ZBTB46: variants seen among roughly 807,000 people sequenced by gnomAD.
ZBTB46 encodes zinc finger and BTB domain-containing protein 46.
Under a neutral mutation model 44.1 loss-of-function variants are expected in ZBTB46, and 8 were observed. The observed-to-expected ratio is 0.18, with a 90% CI of 0.11 to 0.33. ZBTB46 has a LOEUF of 0.33. ZBTB46 is among the 10% of genes least tolerant of loss of function. The pLI is 1.00. For synonymous variants in ZBTB46, 409 were observed against 382.3 expected, an observed-to-expected ratio of 1.07 and a Z score of -0.81; for missense variants, 651 against 847.7, an observed-to-expected ratio of 0.77 and a Z score of 2.88.
chr20:63,826,908 G>A (rs144697236), intron 1 of ZBTB46, among the ~76,000 whole-genome samples: 93 of 152,276 alleles, frequency 6.1e-4, no homozygotes, highest in Middle Eastern at 3.4e-3. Flanking sequence ...CCTGCCCTCC[G>A]GCCAGCAATC....
chr20:63,822,370 G>A (rs34641614), intron 1 of ZBTB46, among the ~76,000 whole-genome samples: 14,341 of 152,256 alleles, frequency 0.094, 847 homozygotes, highest in Non-Finnish European at 0.14. Flanking sequence ...GGCCCCCAAT[G>A]AGAAAAGCCT....
intron 2 of ZBTB46, among the ~76,000 whole-genome samples, chr20:63,782,342 G>T (rs989389892): frequency 1.3e-5 from 2 of 152,134 alleles, no homozygotes; most frequent in African/African-American, 4.8e-5. Flanking sequence ...GAGGCAGGAG[G>T]GTGACAGAAG....
At chr20:63,751,383 A>G (rs2092160306) in intron 4 of ZBTB46, among the ~76,000 whole-genome samples, 1 of 152,158 alleles carries the variant, frequency 6.6e-6, no homozygotes, top group Admixed American at 6.5e-5. Context: ...GCCCAGCACT[A>G]AGCCCCGCTC....
intron 1 of ZBTB46, among the ~76,000 whole-genome samples, chr20:63,817,607 T>A (rs1211419602): frequency 1.3e-5 from 2 of 149,948 alleles, no homozygotes; most frequent in Non-Finnish European, 3.0e-5. Context: ...TCCCAGCTAC[T>A]TGGAAGGCTG....
intron 1 of ZBTB46, among the ~76,000 whole-genome samples, chr20:63,830,488 G>GCCGGCGC (rs2092843391): frequency 6.6e-6 from 1 of 150,646 alleles, no homozygotes; most frequent in Non-Finnish European, 1.5e-5. Flanking sequence ...TGGAGACCAG[G>GCCGGCGC]CCGGCGCCCG....
chr20:63,752,564 C>G lies in ZBTB46; in HGVS notation c.1398+122G>C. 1.7e-6 allele frequency: 2 copies of G among 1,211,152 alleles called. No homozygotes were observed. Among genetic ancestry groups the G allele is most frequent in the Non-Finnish European group, 2.2e-6 (2 of 927,998 alleles). 75.0% of individuals were successfully genotyped at this position (1,211,152 alleles called of 1,614,324 possible). On this transcript the variant is annotated intron_variant, in intron 4 of 4. Transcript: ENST00000245663. The surrounding 1 kb of genome is among the most constrained non-coding windows in gnomAD (Gnocchi z 5.6). The stretch of plus-strand genomic sequence containing the variant: ...GCGGATCTCCCTGCCCTGCTGTCGT[C>G]CCCCCTGTGCAGAGTGGACCCGGTG...
intron 3 of ZBTB46, among the ~76,000 whole-genome samples, chr20:63,762,680 A>AC (rs3068806): frequency 0.068 from 3,274 of 48,038 alleles, 52 homozygotes; most frequent in Middle Eastern, 0.13. Context: ...AAACAAACAA[A>AC]AAAAAAACCA....
At chr20:63,806,361 C>CAT (rs1184782813) in intron 1 of ZBTB46, among the ~76,000 whole-genome samples, 1 of 140,844 alleles carries the variant, frequency 7.1e-6, no homozygotes, top group African/African-American at 2.7e-5. Flanking sequence ...GAGCCGAGAA[C>CAT]ATATCACTGC....
intron 1 of ZBTB46, among the ~76,000 whole-genome samples, chr20:63,793,190 C>T (rs903418912): frequency 6.6e-6 from 1 of 152,226 alleles, no homozygotes; most frequent in Non-Finnish European, 1.5e-5. Flanking sequence ...ACACTGGCCC[C>T]GGGCTTGAGG....
chr20:63,807,879 GTGC>G (rs2092691475), intron 1 of ZBTB46, among the ~76,000 whole-genome samples: 1 of 152,234 alleles, frequency 6.6e-6, no homozygotes, highest in Non-Finnish European at 1.5e-5. Flanking sequence ...CCGAGGCCGT[GTGC>G]CCAAGTCCCC....
chr20:63,784,900 C>T (rs1350859506), intron 2 of ZBTB46, among the ~76,000 whole-genome samples: 1 of 152,172 alleles, frequency 6.6e-6, no homozygotes, highest in Non-Finnish European at 1.5e-5. Context: ...GCATCGGCGT[C>T]GAATGATCCA....
chr20:63,758,859 G>A (rs968186364), intron 3 of ZBTB46, among the ~76,000 whole-genome samples: 8 of 151,872 alleles, frequency 5.3e-5, no homozygotes. Context: ...AGCCTCCCGA[G>A]TAGCTGGGAC....
At chr20:63,818,582 G>A (rs1279756763) in intron 1 of ZBTB46, among the ~76,000 whole-genome samples, 2 of 152,140 alleles carry the variant, frequency 1.3e-5, no homozygotes, top group Non-Finnish European at 2.9e-5. Flanking sequence ...CTGGCTGGTC[G>A]CGGTGGCTCA....
intron 3 of ZBTB46, among the ~76,000 whole-genome samples, chr20:63,768,563 C>T (rs1165445977): frequency 6.6e-6 from 1 of 151,780 alleles, no homozygotes; most frequent in Non-Finnish European, 1.5e-5. Context: ...GCTAAGATCG[C>T]ACCACTGCAC....
chr20:63,826,222 C>CT (rs2092818804), intron 1 of ZBTB46, among the ~76,000 whole-genome samples: 4 of 152,282 alleles, frequency 2.6e-5, no homozygotes, highest in Admixed American at 6.5e-5. Flanking sequence ...AACAAAGTAT[C>CT]TGTGTGTCCC....
chr20:63,746,752 G>C lies in ZBTB46; in HGVS notation c.*178C>G. The C allele has an allele frequency of 4.0e-6, 4 of 992,182 alleles. No individual in the cohort carries two copies. The highest frequency in any genetic ancestry group is 5.6e-6 in the Non-Finnish European group (4 of 719,544). The allele number at this position is 992,182 out of a possible 1,614,324, so 61.5% of individuals were successfully genotyped here. Reference sequence around the variant, plus strand: ...TGTCTGGTCCCAGAGCACCCCTCTTGCTGGGGTCGCACCTGCTTAGCCCGC... The same window carrying C: ...TGTCTGGTCCCAGAGCACCCCTCTTCCTGGGGTCGCACCTGCTTAGCCCGC... On this transcript the variant is annotated 3_prime_UTR_variant, in exon 5 of 5. Transcript: ENST00000245663.
Position 63,803,241 on chromosome 20 carries a change from G to A in ZBTB46, c.-33-12451C>T. ...AACCAGGCACCTCCCCTCACACCAA[G>A]GCGTTCATGGTTTACCTTCTTCTGA... is the stretch of plus-strand genomic sequence containing the variant. On this transcript the variant is annotated intron_variant, in intron 1 of 4. Transcript: ENST00000245663. The surrounding 1 kb of genome is among the most constrained non-coding windows in gnomAD (Gnocchi z 4.0). 4.3e-6 allele frequency: 4 copies of A among 931,478 alleles called. No homozygotes were observed. Among genetic ancestry groups the A allele is most frequent in the Non-Finnish European group, 5.1e-6 (4 of 780,890 alleles). The allele number at this position is 931,478 out of a possible 1,614,324, so 57.7% of individuals were successfully genotyped here.
intron 3 of ZBTB46, among the ~76,000 whole-genome samples, chr20:63,762,650 C>CA: frequency 7.7e-6 from 1 of 130,184 alleles, no homozygotes; most frequent in East Asian, 2.0e-4. Flanking sequence ...AGACTTCTCT[C>CA]AAAAAACAAA....
intron 1 of ZBTB46, 51 bp from the exon 2 acceptor site, chr20:63,790,841 T>G: frequency 6.8e-7 from 1 of 1,463,476 alleles, no homozygotes. Flanking sequence ...ACAGAGGCCG[T>G]GAGAGGACGC....
Sources: allele counts gnomAD v4.1 joint callset (sites outside exome capture counted in the v4.1 genomes callset), GRCh38; gene constraint gnomAD v4.1.1; non-coding constraint Gnocchi (gnomAD v3.1); transcripts MANE v1.5; gene names NCBI Gene and HGNC (gene_info 2026-07-23, HGNC 2026-07-21).